Variants in SNX29 observed in about 807,000 individuals in gnomAD.
The protein encoded by SNX29 is sorting nexin-29.
A neutral mutation model predicts 102.1 loss-of-function variants in SNX29; 78 were observed. That is an observed-to-expected ratio of 0.76 (90% CI 0.64 to 0.92). The LOEUF is 0.92. Ranked by LOEUF, SNX29 falls within the 40% of genes least tolerant of loss-of-function variation. The pLI is 0.00. For synonymous variants in SNX29, 580 were observed against 414.5 expected, an observed-to-expected ratio of 1.40 and a Z score of -4.85; for missense variants, 1,280 against 1,061.7, an observed-to-expected ratio of 1.21 and a Z score of -2.86.
intron 4 of SNX29, among the ~76,000 whole-genome samples, chr16:12,029,117 T>C (rs1049513392): frequency 3.9e-5 from 6 of 152,126 alleles, no homozygotes; most frequent in Admixed American, 2.6e-4. Context: ...CTTTTTTTTT[T>C]TTTCTTTCTT....
At chr16:12,077,605 T>C (rs2051642873) in intron 10 of SNX29, among the ~76,000 whole-genome samples, 1 of 152,162 alleles carries the variant, frequency 6.6e-6, no homozygotes. Context: ...ATGGTTAAGT[T>C]GCTTTGAGGC....
chr16:12,101,199 G>A (rs2052995409), intron 11 of SNX29, among the ~76,000 whole-genome samples: 1 of 151,986 alleles, frequency 6.6e-6, no homozygotes, highest in African/African-American at 2.4e-5. Context: ...GCATCCTGCT[G>A]GGCTGAAGGG....
intron 16 of SNX29, among the ~76,000 whole-genome samples, chr16:12,377,719 G>T (rs117130697): frequency 2.0e-5 from 3 of 152,228 alleles, no homozygotes; most frequent in Non-Finnish European, 4.4e-5. Flanking sequence ...AGCTTATCTC[G>T]GGCCTGCAGT....
intron 20 of SNX29, among the ~76,000 whole-genome samples, chr16:12,556,793 TGCCCCCTTTACTAAAGTACAGAA>T (rs1316407757): frequency 6.6e-6 from 1 of 152,116 alleles, no homozygotes; most frequent in African/African-American, 2.4e-5. Context: ...AGTCAACAGT[TGCCCCCTTTACTAAAGTACAGAA>T]GCCCAGAGGA....
chr16:12,099,712 G>A (rs1317630474), intron 11 of SNX29, among the ~76,000 whole-genome samples: 3 of 152,156 alleles, frequency 2.0e-5, no homozygotes, highest in Admixed American at 2.0e-4. Flanking sequence ...AGCCTGCTGT[G>A]CCCTTTTGAT....
At chr16:12,355,223 C>T (rs2082096874) in intron 15 of SNX29, among the ~76,000 whole-genome samples, 1 of 152,180 alleles carries the variant, frequency 6.6e-6, no homozygotes, top group Admixed American at 6.5e-5. Context: ...AGTTACCCTT[C>T]ATACAACAAC....
At chr16:12,319,895 AT>A (rs943574453) in intron 15 of SNX29, among the ~76,000 whole-genome samples, 3 of 152,210 alleles carry the variant, frequency 2.0e-5, no homozygotes, top group African/African-American at 7.2e-5. Flanking sequence ...GGGCTCAGCC[AT>A]AATTAGTTCC....
At chr16:12,120,137 A>C (rs1261008706) in intron 11 of SNX29, among the ~76,000 whole-genome samples, 1 of 152,208 alleles carries the variant, frequency 6.6e-6, no homozygotes, top group East Asian at 1.9e-4. Flanking sequence ...GATATAGTTT[A>C]TCCTTTCTTT....
At chr16:12,199,537 C>T in intron 13 of SNX29, 64 bp from the exon 14 acceptor site, 5 of 1,427,232 alleles carry the variant, frequency 3.5e-6, no homozygotes, top group Non-Finnish European at 3.9e-6. Context: ...ACCCCTGCCC[C>T]CTCCTGTGGG....
At chr16:12,422,555 C>G (rs1362028941) in intron 18 of SNX29, among the ~76,000 whole-genome samples, 1 of 152,228 alleles carries the variant, frequency 6.6e-6, no homozygotes, top group Non-Finnish European at 1.5e-5. Flanking sequence ...TGCTTCCCTC[C>G]TCGTCTTCCC....
intron 20 of SNX29, chr16:12,546,691 C>G (rs3751787): frequency 6.6e-6 from 1 of 152,126 alleles, no homozygotes; most frequent in Non-Finnish European, 1.5e-5. Flanking sequence ...TCCATCTAGA[C>G]CCACTGTGAT....
At chr16:12,487,543 A>T (rs551568044) in intron 19 of SNX29, among the ~76,000 whole-genome samples, 1 of 152,182 alleles carries the variant, frequency 6.6e-6, no homozygotes, top group Non-Finnish European at 1.5e-5. Context: ...GAACTCTGCA[A>T]ATGCCGCCGC....
At chr16:12,224,319 T>A (rs760310560) in intron 14 of SNX29, among the ~76,000 whole-genome samples, 19 of 152,130 alleles carry the variant, frequency 1.2e-4, no homozygotes, top group Admixed American at 5.2e-4. Flanking sequence ...TCAATCCTTA[T>A]TGCTTTCTCC....
At chr16:12,214,107 T>G (rs2077260345) in intron 14 of SNX29, among the ~76,000 whole-genome samples, 1 of 149,876 alleles carries the variant, frequency 6.7e-6, no homozygotes, top group Non-Finnish European at 1.5e-5. Flanking sequence ...AGGGGTAACG[T>G]TTTATTTGTT....
intron 19 of SNX29, chr16:12,515,529 G>T (rs1185927315): frequency 2.0e-6 from 1 of 490,646 alleles, no homozygotes; most frequent in South Asian, 1.5e-5. Flanking sequence ...CTCCTGCCTG[G>T]ATGACTGCAG....
chr16:12,418,310 A>G (rs2084726605), intron 18 of SNX29, among the ~76,000 whole-genome samples: 1 of 152,168 alleles, frequency 6.6e-6, no homozygotes, highest in Non-Finnish European at 1.5e-5. Context: ...GAGAGAAAAC[A>G]GTCTGGAGCC....
chr16:12,067,319 C>T (rs2051082865), intron 9 of SNX29, among the ~76,000 whole-genome samples: 1 of 151,826 alleles, frequency 6.6e-6, no homozygotes, highest in South Asian at 2.1e-4. Context: ...GAAGTTCAGC[C>T]CCTACAGAGC....
At chr16:12,046,269 C>T (rs2050085825) in intron 5 of SNX29, 115 bp from the exon 6 acceptor site, 7 of 973,352 alleles carry the variant, frequency 7.2e-6, no homozygotes, top group South Asian at 7.1e-5. Flanking sequence ...AAATCATATC[C>T]CTCTTGGGGT....
intron 1 of SNX29, among the ~76,000 whole-genome samples, chr16:11,980,657 A>G (rs143349969): frequency 6.6e-6 from 1 of 152,184 alleles, no homozygotes; most frequent in Admixed American, 6.6e-5. Context: ...GTTTCTCCAC[A>G]CCTTCCCCAA....
Sources: gnomAD v4.1 joint callset for allele counts (sites outside exome capture counted in the v4.1 genomes callset) on GRCh38, gnomAD v4.1.1 for gene constraint, MANE v1.5 for transcripts, NCBI Gene and HGNC (gene_info 2026-07-23, HGNC 2026-07-21) for gene names.